ATOH8: variants seen among roughly 807,000 people sequenced by gnomAD.
The protein encoded by ATOH8 is transcription factor ATOH8.
ATOH8 carries 9 observed loss-of-function variants against 21.2 expected under a neutral mutation model. That is an observed-to-expected ratio of 0.42 (90% CI 0.26 to 0.74). The LOEUF is 0.74. Ranked by LOEUF, ATOH8 falls within the 30% of genes least tolerant of loss-of-function variation. The probability of loss-of-function intolerance (pLI) is 0.24; values close to 1 mark genes in which losing one functional copy is unlikely to be tolerated. For synonymous variants in ATOH8, 253 were observed against 224.0 expected (o/e 1.13, Z -1.16); for missense variants, 524 against 470.9 (o/e 1.11, Z -1.04).
intron 2 of ATOH8, chr2:85,781,248 T>C (rs1165758020): frequency 4.3e-6 from 1 of 232,396 alleles, no homozygotes; most frequent in Non-Finnish European, 7.2e-6. Context: ...CGTGGAGAGA[T>C]TAAGGTGATT....
At chr2:85,768,525 C>A (rs4832198) in intron 2 of ATOH8, among the ~76,000 whole-genome samples, 7 of 152,070 alleles carry the variant, frequency 4.6e-5, no homozygotes, top group Middle Eastern at 3.4e-3. Flanking sequence ...GTGTGATTGG[C>A]GGCCATTTGA....
At chr2:85,773,101 C>T (rs527949465) in intron 2 of ATOH8, 1 of 349,940 alleles carries the variant, frequency 2.9e-6, no homozygotes, top group African/African-American at 2.1e-5. Context: ...TGAATAAACC[C>T]CATGCACACA....
At chr2:85,778,583 G>T (rs370610124) in intron 2 of ATOH8, among the ~76,000 whole-genome samples, 1 of 152,200 alleles carries the variant, frequency 6.6e-6, no homozygotes, top group East Asian at 1.9e-4. Flanking sequence ...TCCACAGCCG[G>T]GCTCCGTCCT....
chr2:85,763,984 C>G lies in ATOH8; in HGVS notation c.769-7C>G. 1 of 1,612,612 alleles carries G rather than the reference C, an allele frequency of 6.2e-7. No homozygotes were observed. The highest frequency in any genetic ancestry group is 1.1e-5 in the South Asian group (1 of 90,840). On this transcript the variant is annotated splice_polypyrimidine_tract_variant and splice_region_variant and intron_variant, in intron 1 of 2. Transcript: ENST00000306279. ...CTGCAGCCCCTCCTGACGCCTTCTC[C>G]CCTCAGGTGCCGTGCTACTCATATG... is the stretch of plus-strand genomic sequence containing the variant.
At chr2:85,754,991 C>CGGGGGACG in intron 1 of ATOH8, 34 bp downstream of exon 1, 1 of 1,549,966 alleles carries the variant, frequency 6.5e-7, no homozygotes, top group Non-Finnish European at 8.7e-7. Context: ...CTCACTGCGC[C>CGGGGGACG]GGGGGACGAC....
intron 1 of ATOH8, among the ~76,000 whole-genome samples, chr2:85,763,706 G>C (rs1679927453): frequency 6.6e-6 from 1 of 152,160 alleles, no homozygotes; most frequent in African/African-American, 2.4e-5. Context: ...CTCTGTAGTG[G>C]TCGTGGAAAT....
chr2:85,788,614 A>C lies in ATOH8; in HGVS notation c.*1724A>C, dbSNP rs1348685595. 6.6e-6 allele frequency among the ~76,000 whole-genome samples: 1 copy of C among 152,186 alleles called. No individual in the cohort carries two copies. The highest frequency in any genetic ancestry group is 2.4e-5 in the African/African-American group (1 of 41,440). On this transcript the variant is annotated 3_prime_UTR_variant, in exon 3 of 3. Transcript: ENST00000306279. ...GTGATAAGATAAAAAATAGGAGAGC[A>C]CTGTCAAGGCAGAAGGGACAGGGCT...
chr2:85,772,994 T>C, intron 2 of ATOH8: 1 of 368,550 alleles, frequency 2.7e-6, no homozygotes, highest in Middle Eastern at 3.9e-4. Context: ...AGAAAACAGC[T>C]GGAGGGGACA....
At chr2:85,767,171 C>A in intron 2 of ATOH8, among the ~76,000 whole-genome samples, 1 of 152,150 alleles carries the variant, frequency 6.6e-6, no homozygotes, top group Non-Finnish European at 1.5e-5. Flanking sequence ...ACTCCTGAGG[C>A]CCCACCTCCA....
rs201773606 is a variant in ATOH8, at chr2:85,754,754, G to A, written c.565G>A (p.Glu189Lys). The A allele has an allele frequency of 5.3e-4, 857 of 1,612,840 alleles. 1 individual carries two copies. Among genetic ancestry groups the A allele is most frequent in the Admixed American group, 1.1e-3 (65 of 60,020 alleles). ...VRPAPPTRPGESSYSSISHVI... is the reference protein window; with the variant it reads ...VRPAPPTRPGKSSYSSISHVI... Reference sequence around the variant, plus strand: ...CCCTGCGCCCCCGACGCGCCCCGGGGAAAGTTCCTACTCGTCAATTTCACA... The same window carrying A: ...CCCTGCGCCCCCGACGCGCCCCGGGAAAAGTTCCTACTCGTCAATTTCACA... Residue 189 changes from glutamate (E) to lysine (K), a missense_variant, in exon 1 of 3, where the codon GAA (glutamate) becomes AAA (lysine). By Grantham distance (56) the Glu-to-Lys change is moderately conservative. Coordinates refer to ENST00000306279, the MANE Select transcript of ATOH8 (RefSeq NM_032827.7).
chr2:85,776,781 C>G (rs1005408696), intron 2 of ATOH8, among the ~76,000 whole-genome samples: 2 of 152,136 alleles, frequency 1.3e-5, no homozygotes, highest in Non-Finnish European at 2.9e-5. Context: ...CAGAGCCAGG[C>G]AGCTGGGCAC....
intron 2 of ATOH8, among the ~76,000 whole-genome samples, chr2:85,780,807 G>A (rs1040962630): frequency 2.0e-5 from 3 of 152,232 alleles, no homozygotes; most frequent in Non-Finnish European, 2.9e-5. Flanking sequence ...GGCCCTCCAA[G>A]CCCGGACACA....
At chr2:85,756,024 A>T (rs1193166831) in intron 1 of ATOH8, among the ~76,000 whole-genome samples, 1 of 143,574 alleles carries the variant, frequency 7.0e-6, no homozygotes, top group Non-Finnish European at 1.5e-5. Flanking sequence ...TTCTTTTTGG[A>T]TCACTCTCCT....
intron 2 of ATOH8, among the ~76,000 whole-genome samples, chr2:85,779,190 G>A (rs976247884): frequency 5.3e-5 from 8 of 152,266 alleles, no homozygotes; most frequent in South Asian, 2.1e-4. Flanking sequence ...AGCCAAGTGC[G>A]ATGACCGGAC....
rs778911483 is a variant in ATOH8 at position 85,754,750 on chromosome 2, C to G, written c.561C>G (p.Pro187=). Residue 187 remains proline, a synonymous_variant, in exon 1 of 3, where the codon CCC becomes CCG. Coordinates refer to ENST00000306279, the MANE Select transcript of ATOH8 (RefSeq NM_032827.7). ...STVRPAPPTR[P]GESSYSSISH... ...TGCGCCCTGCGCCCCCGACGCGCCC[C>G]GGGGAAAGTTCCTACTCGTCAATTT... 2 of 1,612,838 alleles carry G rather than the reference C, an allele frequency of 1.2e-6. No homozygotes were observed. Among genetic ancestry groups the G allele is most frequent in the Non-Finnish European group, 1.7e-6 (2 of 1,179,818 alleles).
rs761485572 is a variant in ATOH8 at position 85,754,745 on chromosome 2, C to G, written c.556C>G (p.Arg186Gly). The G allele has an allele frequency of 6.2e-7, 1 of 1,612,818 alleles. No individual in the cohort carries two copies. The highest frequency in any genetic ancestry group is 1.1e-5 in the South Asian group (1 of 91,088). The change falls in exon 1 of 3, where the codon CGC becomes GGC. Residue 186 changes from arginine to glycine, a missense_variant. Arg to Gly is a moderately radical substitution (Grantham distance 125). Transcript: ENST00000306279. ...CACTGTGCGCCCTGCGCCCCCGACGCGCCCCGGGGAAAGTTCCTACTCGTC... is the reference window on the plus strand; with the variant it reads ...CACTGTGCGCCCTGCGCCCCCGACGGGCCCCGGGGAAAGTTCCTACTCGTC... ...ESTVRPAPPTRPGESSYSSIS... is the reference protein window; with the variant it reads ...ESTVRPAPPTGPGESSYSSIS...
intron 1 of ATOH8, among the ~76,000 whole-genome samples, chr2:85,759,524 G>T (rs554843484): frequency 7.2e-5 from 11 of 152,288 alleles, no homozygotes; most frequent in African/African-American, 2.6e-4. Flanking sequence ...ACTGTGGCCT[G>T]TCTGACCCTG....
In ATOH8 at chr2:85,789,603, G is replaced by A. The variant is rs559205949; in HGVS notation, c.*2713G>A. Among the ~76,000 whole-genome samples the A allele has an allele frequency of 6.6e-6, 1 of 152,294 alleles. No homozygotes were observed. On this transcript the variant is annotated 3_prime_UTR_variant, in exon 3 of 3. Coordinates refer to ENST00000306279, the MANE Select transcript of ATOH8 (RefSeq NM_032827.7). ...GCAGGAAATTGGAATCACCCAAGGA[G>A]ATTATTAAATATTAAATATTGATAT...
Position 85,787,018 on chromosome 2 carries a change from C to A in ATOH8, c.*128C>A. The A allele has an allele frequency of 7.8e-7, 1 of 1,286,438 alleles. No homozygotes were observed. The highest frequency in any genetic ancestry group is 1.1e-6 in the Non-Finnish European group (1 of 908,770). 79.7% of individuals were successfully genotyped at this position (1,286,438 alleles called of 1,614,324 possible). A position where few individuals can be genotyped will look rare whatever the true frequency, so the allele number is the denominator to read the frequency against. ...ATGCCGCCAGATGCCCAGCCTACAG[C>A]CTCTCAGGGTCGGATCGGAGCACGC... On this transcript the variant is annotated 3_prime_UTR_variant, in exon 3 of 3. Coordinates refer to ENST00000306279, the MANE Select transcript of ATOH8 (RefSeq NM_032827.7).
Sources: allele counts gnomAD v4.1 joint callset (sites outside exome capture counted in the v4.1 genomes callset), GRCh38; gene constraint gnomAD v4.1.1; transcripts MANE v1.5; gene names NCBI Gene and HGNC (gene_info 2026-07-23, HGNC 2026-07-21).